Variants in TUBG2 observed in about 807,000 individuals in gnomAD.
The protein encoded by TUBG2 is tubulin gamma-2 chain.
A neutral mutation model predicts 55.1 loss-of-function variants in TUBG2; 39 were observed. The observed-to-expected ratio is 0.71, with a 90% CI of 0.55 to 0.93. The LOEUF is 0.93. Among genes scored for constraint, TUBG2 ranks in the 40% least tolerant of loss-of-function variants. The pLI is 0.00. For synonymous variants in TUBG2, 223 were observed against 241.0 expected, an observed-to-expected ratio of 0.93 and a Z score of 0.69; for missense variants, 358 against 599.1, an observed-to-expected ratio of 0.60 and a Z score of 4.20.
intron 6 of TUBG2, among the ~76,000 whole-genome samples, chr17:42,664,162 G>A (rs143660800): frequency 6.6e-6 from 1 of 151,860 alleles, no homozygotes; most frequent in African/African-American, 2.4e-5. Flanking sequence ...TGTAGTACTA[G>A]CTACATGGGA....
Position 42,663,426 on chromosome 17 carries a change from G to T in TUBG2, c.529G>T (p.Glu177Ter). 2 of 1,614,144 alleles carry T rather than the reference G, an allele frequency of 1.2e-6. No homozygotes were observed. Among genetic ancestry groups the T allele is most frequent in the Non-Finnish European group, 1.7e-6 (2 of 1,180,018 alleles). The part of the protein sequence containing the change: ...QTYSVFPYQD[E>*]MSDVVVQPYN... ...TTATTCAGTGTTTCCCTACCAGGAC[G>T]AGATGAGCGACGTAGTGGTTCAGCC... is the stretch of plus-strand genomic sequence containing the variant. The change falls in exon 6 of 11, where the codon GAG (glutamate) becomes TAG (stop). Residue 177 changes from glutamate (E) to a stop codon, truncating the protein, a stop_gained. Coordinates refer to ENST00000251412, the MANE Select transcript of TUBG2 (RefSeq NM_016437.3). LOFTEE classifies it high-confidence loss of function.
intron 4 of TUBG2, 77 bp downstream of exon 4, chr17:42,660,784 T>C (rs540150128): frequency 7.9e-7 from 1 of 1,268,724 alleles, no homozygotes; most frequent in East Asian, 2.4e-5. Context: ...GTGGCCTGGA[T>C]AGGTAATATG....
Position 42,666,772 on chromosome 17 carries a change from A to G in TUBG2, c.1328A>G (p.Tyr443Cys). 1.2e-6 allele frequency: 2 copies of G among 1,614,098 alleles called. No individual in the cohort carries two copies. The highest frequency in any genetic ancestry group is 1.7e-6 in the Non-Finnish European group (2 of 1,180,000). Reference sequence around the variant, plus strand: ...TACCATGCGGCCACCCAGCCAGACTACATTTCCTGGGGCACCCAGGAGCAG... The same window carrying G: ...TACCATGCGGCCACCCAGCCAGACTGCATTTCCTGGGGCACCCAGGAGCAG... ...DEYHAATQPDYISWGTQEQ is the reference protein window; with the variant it reads ...DEYHAATQPDCISWGTQEQ Residue 443 changes from tyrosine (Y) to cysteine (C), a missense_variant, in exon 11 of 11, where the codon TAC (tyrosine) becomes TGC (cysteine). This residue lies in a region of TUBG2 where 54 missense variants were observed against 50.2 expected (regional missense o/e 1.08). Transcript: ENST00000251412.
intron 1 of TUBG2, 133 bp from the exon 2 acceptor site, chr17:42,659,701 G>A: frequency 1.4e-6 from 2 of 1,384,488 alleles, no homozygotes; most frequent in African/African-American, 1.4e-5. Context: ...TGCGCCTCCA[G>A]CCCGGGGCTG....
intron 6 of TUBG2, among the ~76,000 whole-genome samples, chr17:42,664,278 A>T (rs2143522708): frequency 1.7e-3 from 1 of 604 alleles, no homozygotes; most frequent in Middle Eastern, 0.12. Context: ...CTTGTGTTTA[A>T]AAAAAAAAAA....
intron 1 of TUBG2, 108 bp from the exon 2 acceptor site, chr17:42,659,726 C>T (rs1275816474): frequency 8.2e-6 from 12 of 1,465,566 alleles, no homozygotes; most frequent in Non-Finnish European, 1.1e-5. Flanking sequence ...AGCTACCAAA[C>T]CCAGGCATCT....
Position 42,660,678 on chromosome 17 carries a change from C to T in TUBG2, c.370C>T (p.Arg124Ter). The T allele has an allele frequency of 3.7e-6, 6 of 1,613,948 alleles. No individual in the cohort carries two copies. The highest frequency in any genetic ancestry group is 1.1e-5 in the South Asian group (1 of 91,056). ...TGAAGACATCTTTGACATCATAGACCGAGAAGCAGATGGAAGTGACAGTTT... is the reference window on the plus strand; with the variant it reads ...TGAAGACATCTTTGACATCATAGACTGAGAAGCAGATGGAAGTGACAGTTT... ...IHEDIFDIID[R>*]EADGSDSLEG... The change falls in exon 4 of 11, where the codon CGA (arginine) becomes TGA (stop). Residue 124 changes from arginine to a stop codon, truncating the protein, a stop_gained. Coordinates refer to ENST00000251412, the MANE Select transcript of TUBG2 (RefSeq NM_016437.3). LOFTEE classifies it high-confidence loss of function.
intron 4 of TUBG2, among the ~76,000 whole-genome samples, chr17:42,661,836 C>T (rs1303227504): frequency 1.3e-5 from 2 of 152,190 alleles, no homozygotes; most frequent in Non-Finnish European, 2.9e-5. Flanking sequence ...CTGAGAACCT[C>T]GATTTATAGC....
chr17:42,662,435 G>C (rs186556311), intron 4 of TUBG2, among the ~76,000 whole-genome samples: 2 of 151,888 alleles, frequency 1.3e-5, no homozygotes, highest in South Asian at 4.2e-4. Flanking sequence ...GTGAAACCCC[G>C]TATCTACGAA....
Position 42,666,376 on chromosome 17 carries a change from G to A in TUBG2, c.1050G>A (p.Pro350=), listed in dbSNP as rs199795408. 1.3e-5 allele frequency: 21 copies of A among 1,614,196 alleles called. No individual in the cohort carries two copies. Among genetic ancestry groups the A allele is most frequent in the African/African-American group, 8.0e-5 (6 of 75,054 alleles). Residue 350 remains proline, a synonymous_variant, in exon 10 of 11, where the codon CCG becomes CCA. Transcript: ENST00000251412. ...AACGGAAGTTGGCCAACTTCATCCC[G>A]TGGGGCCCCGCCAGCATCCAGGTGG... ...IRERKLANFI[P]WGPASIQVAL...
intron 3 of TUBG2, 112 bp downstream of exon 3, chr17:42,660,428 C>T (rs2052356148): frequency 6.5e-7 from 1 of 1,543,732 alleles, no homozygotes; most frequent in East Asian, 2.3e-5. Flanking sequence ...AAAAGGATGT[C>T]CCGAACAAGA....
chr17:42,660,558 A>G, intron 3 of TUBG2, 81 bp from the exon 4 acceptor site: 1 of 1,420,730 alleles, frequency 7.0e-7, no homozygotes, highest in East Asian at 2.3e-5. Context: ...TCCAGGGTAG[A>G]CAGAATTCTT....
Position 42,663,591 on chromosome 17 carries a change from T to C in TUBG2, c.606+88T>C, listed in dbSNP as rs182429272. ...GGGAGGCCTAGGCAGATGGATTGCTTGAGCTCAGGAGTTCAATACTAGCCT... is the reference window on the plus strand; with the variant it reads ...GGGAGGCCTAGGCAGATGGATTGCTCGAGCTCAGGAGTTCAATACTAGCCT... On this transcript the variant is annotated intron_variant, in intron 6 of 10. Coordinates refer to ENST00000251412, the MANE Select transcript of TUBG2 (RefSeq NM_016437.3). 2,488 of 1,531,200 alleles carry C rather than the reference T, an allele frequency of 1.6e-3. 10 individuals carry two copies. Among genetic ancestry groups the C allele is most frequent in the South Asian group, 4.6e-3 (381 of 82,946 alleles). The allele number at this position is 1,531,200 out of a possible 1,614,324, so 94.9% of individuals were successfully genotyped here. A position where few individuals can be genotyped will look rare whatever the true frequency, so the allele number is the denominator to read the frequency against.
At position 42,660,727 on chromosome 17, in the gene TUBG2, G is replaced by A. The variant is rs753946034; in HGVS notation, c.399+20G>A. The A allele has an allele frequency of 1.9e-6, 3 of 1,612,634 alleles. No homozygotes were observed. The highest frequency in any genetic ancestry group is 1.3e-5 in the African/African-American group (1 of 74,888). On this transcript the variant is annotated intron_variant, in intron 4 of 10. Transcript: ENST00000251412. ...TTGGAGGTGAAGTTATGGAGTGGGG[G>A]AAGGAATGGGCAGGGAGGCCGAAGA...
chr17:42,664,874 T>G (rs1387947212), intron 6 of TUBG2, among the ~76,000 whole-genome samples: 1 of 137,526 alleles, frequency 7.3e-6, no homozygotes, highest in East Asian at 2.1e-4. Context: ...ATATATATTA[T>G]ATATATTTAT....
chr17:42,665,364 TA>T (rs2052501959), intron 6 of TUBG2, 111 bp from the exon 7 acceptor site: 2 of 1,457,584 alleles, frequency 1.4e-6, no homozygotes, highest in South Asian at 1.2e-5. Context: ...TTTTTTTTTT[TA>T]AACTAACAAA....
chr17:42,663,196 T>G, intron 5 of TUBG2, 144 bp downstream of exon 5: 2 of 1,248,812 alleles, frequency 1.6e-6, no homozygotes, highest in African/African-American at 1.5e-5. Flanking sequence ...GAAGCTATTT[T>G]GGGGGGTGGG....
At position 42,662,958 on chromosome 17, in the gene TUBG2, C is replaced by A; in HGVS notation, c.400-15C>A. 1 of 1,612,478 alleles carries A rather than the reference C, an allele frequency of 6.2e-7. No individual in the cohort carries two copies. Among genetic ancestry groups the A allele is most frequent in the Non-Finnish European group, 8.5e-7 (1 of 1,179,284 alleles). ...GCAGGAGAAACTGAGTCTGTTTATT[C>A]CTGTATACACACAGGGCTTCGTGCT... On this transcript the variant is annotated splice_polypyrimidine_tract_variant and intron_variant, in intron 4 of 10. Coordinates refer to ENST00000251412, the MANE Select transcript of TUBG2 (RefSeq NM_016437.3).
rs1554227 is a variant in TUBG2 at position 42,666,433 on chromosome 17, G to C, written c.1107G>C (p.Ser369=). Residue 369 remains serine (S), a synonymous_variant, in exon 10 of 11, where the codon TCG becomes TCC. Coordinates refer to ENST00000251412, the MANE Select transcript of TUBG2 (RefSeq NM_016437.3). The part of the protein sequence containing the change: ...ALSRKSPYLP[S]AHRVSGLMMA... ...CGAGGAAGTCTCCCTACCTGCCCTCGGCCCACCGGGTCAGCGGGCTCATGA... is the reference window on the plus strand; with the variant it reads ...CGAGGAAGTCTCCCTACCTGCCCTCCGCCCACCGGGTCAGCGGGCTCATGA... 1.2e-6 allele frequency: 2 copies of C among 1,605,206 alleles called. No individual in the cohort carries two copies. The highest frequency in any genetic ancestry group is 1.7e-5 in the Admixed American group (1 of 59,700).
Sources: gnomAD v4.1 joint callset for allele counts (sites outside exome capture counted in the v4.1 genomes callset) on GRCh38, gnomAD v4.1.1 for gene constraint, gnomAD v4.1.1 regional missense constraint, MANE v1.5 for transcripts, NCBI Gene and HGNC (gene_info 2026-07-23, HGNC 2026-07-21) for gene names.